Variants in CDKAL1 observed in about 807,000 individuals in gnomAD.
CDKAL1 encodes CDKAL1 threonylcarbamoyladenosine tRNA methylthiotransferase, also known as threonylcarbamoyladenosine tRNA methylthiotransferase.
CDKAL1 carries 32 observed loss-of-function variants against 68.2 expected under a neutral mutation model. The observed-to-expected ratio is 0.47, with a 90% confidence interval of 0.35 to 0.63. CDKAL1 has a LOEUF of 0.63. CDKAL1 is among the 30% of genes least tolerant of loss of function. The pLI, the probability that CDKAL1 is intolerant of heterozygous loss-of-function variation, is 0.00. For missense variants in CDKAL1, 606 were observed against 696.7 expected (o/e 0.87, Z 1.47); for synonymous variants, 234 against 244.3 (o/e 0.96, Z 0.39).
At chr6:21,043,318 CAT>C (rs1379098889) in intron 11 of CDKAL1, among the ~76,000 whole-genome samples, 1 of 149,598 alleles carries the variant, frequency 6.7e-6, no homozygotes. Context: ...GCCCACATCA[CAT>C]ATATGTGTGT....
chr6:20,905,573 T>C (rs1381872866), intron 9 of CDKAL1, among the ~76,000 whole-genome samples: 1 of 152,138 alleles, frequency 6.6e-6, no homozygotes, highest in African/African-American at 2.4e-5. Flanking sequence ...AAGACATGAA[T>C]GTAAACATCC....
At chr6:21,225,558 G>C (rs1396488642) in intron 15 of CDKAL1, among the ~76,000 whole-genome samples, 1 of 152,146 alleles carries the variant, frequency 6.6e-6, no homozygotes, top group Admixed American at 6.5e-5. Flanking sequence ...CTGCCCGGCT[G>C]TGGGCACATT....
intron 9 of CDKAL1, among the ~76,000 whole-genome samples, chr6:20,902,787 A>G (rs1762064498): frequency 6.6e-6 from 1 of 152,238 alleles, no homozygotes; most frequent in Non-Finnish European, 1.5e-5. Context: ...AGGCAATAAC[A>G]GAAGAATGGT....
chr6:21,021,482 A>G (rs538350896), intron 11 of CDKAL1, among the ~76,000 whole-genome samples: 22 of 151,770 alleles, frequency 1.4e-4, no homozygotes, highest in Non-Finnish European at 2.9e-4. Context: ...TCTAAAATGC[A>G]CACAAAAATA....
chr6:21,221,117 A>G (rs1028296650), intron 15 of CDKAL1, among the ~76,000 whole-genome samples: 3 of 152,130 alleles, frequency 2.0e-5, no homozygotes, highest in Non-Finnish European at 2.9e-5. Flanking sequence ...CAGTGAGCCA[A>G]GATCACACCA....
At chr6:21,228,551 A>G (rs937310001) in intron 15 of CDKAL1, among the ~76,000 whole-genome samples, 19 of 152,240 alleles carry the variant, frequency 1.2e-4, no homozygotes, top group African/African-American at 4.3e-4. Context: ...CACCAGAGAC[A>G]TAGATGAGAA....
intron 4 of CDKAL1, among the ~76,000 whole-genome samples, chr6:20,550,975 C>T (rs1763799551): frequency 6.7e-6 from 1 of 150,042 alleles, no homozygotes; most frequent in South Asian, 2.1e-4. Flanking sequence ...AAGGGATTCT[C>T]CTGGCTCAGC....
intron 7 of CDKAL1, among the ~76,000 whole-genome samples, chr6:20,779,194 A>G (rs568685676): frequency 1.6e-4 from 24 of 152,342 alleles, no homozygotes; most frequent in African/African-American, 4.6e-4. Flanking sequence ...TGCTGATGGG[A>G]ACATTAAATG....
intron 4 of CDKAL1, among the ~76,000 whole-genome samples, chr6:20,592,857 T>G (rs371694630): frequency 5.9e-5 from 9 of 152,176 alleles, no homozygotes; most frequent in African/African-American, 2.2e-4. Flanking sequence ...ATACCTAGTT[T>G]ATTGAGAGTT....
intron 5 of CDKAL1, among the ~76,000 whole-genome samples, chr6:20,682,921 C>G (rs2127794013): frequency 6.6e-6 from 1 of 150,746 alleles, no homozygotes; most frequent in African/African-American, 2.4e-5. Flanking sequence ...TTTCCTTCCA[C>G]TTAAAATAGT....
chr6:21,171,695 A>G (rs961648442), intron 13 of CDKAL1, among the ~76,000 whole-genome samples: 6 of 152,202 alleles, frequency 3.9e-5, no homozygotes, highest in Non-Finnish European at 8.8e-5. Context: ...TCCATAATAA[A>G]TACCTCATAC....
intron 8 of CDKAL1, among the ~76,000 whole-genome samples, chr6:20,802,171 G>A (rs1192556027): frequency 2.6e-5 from 4 of 151,832 alleles, no homozygotes; most frequent in South Asian, 2.1e-4. Flanking sequence ...GTTGGTGCAC[G>A]CCTGTAGTCC....
chr6:20,820,002 G>T (rs1258923171), intron 8 of CDKAL1, among the ~76,000 whole-genome samples: 1 of 152,160 alleles, frequency 6.6e-6, no homozygotes, highest in Non-Finnish European at 1.5e-5. Context: ...TCTCTGTCTA[G>T]AACTCCTATA....
chr6:20,831,312 G>A (rs1403366041), intron 8 of CDKAL1, among the ~76,000 whole-genome samples: 2 of 152,184 alleles, frequency 1.3e-5, no homozygotes, highest in Non-Finnish European at 2.9e-5. Context: ...TTAAAGAAGT[G>A]GCAGTTGGTT....
chr6:20,953,139 G>A (rs1352007039), intron 9 of CDKAL1, among the ~76,000 whole-genome samples: 1 of 152,156 alleles, frequency 6.6e-6, no homozygotes, highest in Admixed American at 6.5e-5. Context: ...GAAACATCAA[G>A]ACCATTGTTC....
rs145207019 is a variant in CDKAL1, at chr6:21,075,842, A to G, written c.1236+10614A>G. 6.6e-5 allele frequency among the ~76,000 whole-genome samples: 10 copies of G among 152,310 alleles called. No individual in the cohort carries two copies. In the East Asian group the frequency reaches 1.9e-3, roughly 29 times the overall value. Reference sequence around the variant, plus strand: ...CGGTCAATTCCAGACTTTGCTTTTTAGAAAATATTGATGATGAATAATGAA... The same window carrying G: ...CGGTCAATTCCAGACTTTGCTTTTTGGAAAATATTGATGATGAATAATGAA... On this transcript the variant is annotated intron_variant, in intron 12 of 15. Coordinates refer to ENST00000274695, the MANE Select transcript of CDKAL1 (RefSeq NM_017774.3).
chr6:21,227,614 G>C (rs1187052513), intron 15 of CDKAL1, among the ~76,000 whole-genome samples: 2 of 152,268 alleles, frequency 1.3e-5, no homozygotes, highest in African/African-American at 4.8e-5. Context: ...GGCTGCATAT[G>C]CATGCTTCTG....
intron 12 of CDKAL1, among the ~76,000 whole-genome samples, chr6:21,094,403 A>G (rs1773215060): frequency 6.6e-6 from 1 of 152,246 alleles, no homozygotes; most frequent in Non-Finnish European, 1.5e-5. Flanking sequence ...TAGATCATAT[A>G]CATGGATAAC....
intron 4 of CDKAL1, among the ~76,000 whole-genome samples, chr6:20,570,382 G>A (rs1407427775): frequency 6.6e-6 from 1 of 151,654 alleles, no homozygotes; most frequent in Non-Finnish European, 1.5e-5. Flanking sequence ...GATTACAGGG[G>A]TGAGCCACTG....
Sources: allele counts gnomAD v4.1 joint callset (sites outside exome capture counted in the v4.1 genomes callset), GRCh38; gene constraint gnomAD v4.1.1; transcripts MANE v1.5; gene names NCBI Gene and HGNC (gene_info 2026-07-23, HGNC 2026-07-21).